Variants in SKAP2 observed in about 807,000 individuals in gnomAD.
SKAP2 encodes src kinase-associated phosphoprotein 2.
SKAP2 carries 28 observed loss-of-function variants against 54.9 expected under a neutral mutation model. The ratio of observed to expected loss-of-function variants is 0.51; its 90% CI spans 0.38 to 0.70. The LOEUF is 0.70. Among genes scored for constraint, SKAP2 ranks in the 30% least tolerant of loss-of-function variants. The pLI is 0.00. For synonymous variants in SKAP2, 137 were observed against 134.3 expected (o/e 1.02, Z -0.14); for missense variants, 356 against 424.1 (o/e 0.84, Z 1.41).
At chr7:26,829,060 A>C (rs1404339360) in intron 4 of SKAP2, among the ~76,000 whole-genome samples, 2 of 152,178 alleles carry the variant, frequency 1.3e-5, no homozygotes, top group African/African-American at 4.8e-5. Flanking sequence ...ACAAGTAATA[A>C]AAGAAAACAC....
chr7:26,849,521 T>C (rs1294865276), intron 3 of SKAP2, among the ~76,000 whole-genome samples: 2 of 151,798 alleles, frequency 1.3e-5, no homozygotes, highest in Non-Finnish European at 2.9e-5. Flanking sequence ...CCGTCTCTCC[T>C]AAAAATACAA....
chr7:26,711,910 A>C (rs1374199772), intron 9 of SKAP2, among the ~76,000 whole-genome samples: 1 of 152,172 alleles, frequency 6.6e-6, no homozygotes, highest in East Asian at 1.9e-4. Context: ...TTAAAGCCTG[A>C]GTGAGCAGAG....
chr7:26,798,239 C>G (rs952554819), intron 4 of SKAP2, among the ~76,000 whole-genome samples: 8 of 151,888 alleles, frequency 5.3e-5, no homozygotes, highest in Admixed American at 5.2e-4. Context: ...TGGCAGCAGA[C>G]TTTTCAGTGG....
intron 4 of SKAP2, among the ~76,000 whole-genome samples, chr7:26,750,311 T>C (rs541481180): frequency 3.9e-4 from 44 of 114,154 alleles, no homozygotes; most frequent in East Asian, 3.7e-3. Flanking sequence ...TAATATACCA[T>C]ACTTTTTTTT....
chr7:26,797,731 C>T (rs749460147), intron 4 of SKAP2, among the ~76,000 whole-genome samples: 6 of 151,972 alleles, frequency 3.9e-5, no homozygotes, highest in South Asian at 4.2e-4. Context: ...ACCTTTCAGA[C>T]AGAAAATTCA....
intron 4 of SKAP2, among the ~76,000 whole-genome samples, chr7:26,763,168 TAAA>T (rs1782970592): frequency 6.6e-6 from 1 of 152,130 alleles, no homozygotes; most frequent in Non-Finnish European, 1.5e-5. Context: ...TGAATATAAA[TAAA>T]AACATTTTTC....
intron 4 of SKAP2, among the ~76,000 whole-genome samples, chr7:26,785,190 T>G (rs1783515846): frequency 6.6e-6 from 1 of 151,586 alleles, no homozygotes. Context: ...AAACAGAGTG[T>G]TTTTTTGTTT....
intron 1 of SKAP2, among the ~76,000 whole-genome samples, chr7:26,859,268 G>GA (rs879314825): frequency 0.011 from 1,408 of 123,390 alleles, 8 homozygotes; most frequent in Middle Eastern, 0.03. Context: ...CTACCATCAG[G>GA]AAAAAAAAAA....
intron 10 of SKAP2, among the ~76,000 whole-genome samples, chr7:26,689,582 C>A (rs1257916181): frequency 2.6e-5 from 4 of 152,174 alleles, no homozygotes; most frequent in Admixed American, 2.6e-4. Flanking sequence ...GCCTTTTAGG[C>A]CACTAGTGTC....
chr7:26,733,042 A>C (rs1787853079), intron 6 of SKAP2, among the ~76,000 whole-genome samples: 1 of 152,146 alleles, frequency 6.6e-6, no homozygotes, highest in Non-Finnish European at 1.5e-5. Context: ...GAGGCAGAAG[A>C]ATCGCTTGAA....
intron 4 of SKAP2, among the ~76,000 whole-genome samples, chr7:26,832,353 A>C (rs547040370): frequency 2.0e-5 from 3 of 152,316 alleles, no homozygotes; most frequent in African/African-American, 7.2e-5. Flanking sequence ...TGACATACTT[A>C]TTTGGACTAC....
chr7:26,692,188 G>C (rs6954621), intron 9 of SKAP2, among the ~76,000 whole-genome samples: 12,361 of 143,926 alleles, frequency 0.086, 584 homozygotes, highest in Middle Eastern at 0.17. Flanking sequence ...GAATGTGGAG[G>C]AATGAGGGGG....
At chr7:26,835,014 G>A (rs142066044) in intron 4 of SKAP2, among the ~76,000 whole-genome samples, 1,792 of 152,232 alleles carry the variant, frequency 0.012, 34 homozygotes, top group African/African-American at 0.041. Flanking sequence ...AGTTGGCTTC[G>A]TCCCTAGGAT....
chr7:26,656,037 G>T, the SKAP2 span, among the ~76,000 whole-genome samples: 2 of 152,240 alleles, frequency 1.3e-5, no homozygotes, highest in African/African-American at 4.8e-5. Context: ...AAAGACAGGG[G>T]ACAGATGTTT....
At chr7:26,684,697 T>G (rs757988795) in intron 11 of SKAP2, 39 bp downstream of exon 11, 27 of 1,300,762 alleles carry the variant, frequency 2.1e-5, no homozygotes, top group Non-Finnish European at 3.0e-5. Flanking sequence ...GAGCTTTGTA[T>G]TCCCTCTTTA....
intron 4 of SKAP2, among the ~76,000 whole-genome samples, chr7:26,828,919 T>A (rs1423806858): frequency 6.6e-6 from 1 of 151,266 alleles, no homozygotes; most frequent in Non-Finnish European, 1.5e-5. Flanking sequence ...CCCAGCTACT[T>A]GGGAGGCTGA....
At chr7:26,791,823 T>C (rs1783678389) in intron 4 of SKAP2, among the ~76,000 whole-genome samples, 1 of 152,200 alleles carries the variant, frequency 6.6e-6, no homozygotes, top group East Asian at 1.9e-4. Context: ...GATAAAAACA[T>C]GTATCATAGG....
At chr7:26,742,040 T>C (rs1212188244) in intron 4 of SKAP2, among the ~76,000 whole-genome samples, 1 of 152,182 alleles carries the variant, frequency 6.6e-6, no homozygotes, top group Non-Finnish European at 1.5e-5. Flanking sequence ...CATATTTTAA[T>C]AGCTGTTCAA....
At chr7:26,863,238 G>A (rs1390044793) in intron 1 of SKAP2, among the ~76,000 whole-genome samples, 2 of 152,064 alleles carry the variant, frequency 1.3e-5, no homozygotes, top group Admixed American at 1.3e-4. Flanking sequence ...AGGAGATTTG[G>A]ACTCACATTG....
Sources: allele counts gnomAD v4.1 joint callset (sites outside exome capture counted in the v4.1 genomes callset), GRCh38; gene constraint gnomAD v4.1.1; transcripts MANE v1.5; gene names NCBI Gene and HGNC (gene_info 2026-07-23, HGNC 2026-07-21).